Variants in JPH3 observed in about 807,000 individuals in gnomAD.
JPH3 encodes junctophilin 3.
A neutral mutation model predicts 59.6 loss-of-function variants in JPH3; 11 were observed. The observed-to-expected ratio is 0.18, with a 90% confidence interval of 0.12 to 0.31. The LOEUF (loss-of-function observed/expected upper bound fraction) is 0.31, where lower values mean the gene tolerates loss of function less well. JPH3 is among the 10% of genes least tolerant of loss of function. The pLI is 1.00. For synonymous variants in JPH3, 673 were observed against 483.6 expected, an observed-to-expected ratio of 1.39 and a Z score of -5.14; for missense variants, 1,202 against 1,105.7, an observed-to-expected ratio of 1.09 and a Z score of -1.24.
At chr16:87,680,526 C>T (rs1284959452) in intron 2 of JPH3, among the ~76,000 whole-genome samples, 1 of 152,250 alleles carries the variant, frequency 6.6e-6, no homozygotes, top group Admixed American at 6.5e-5. Context: ...GCGACCTTTT[C>T]CTCCAGGGAA....
intron 1 of JPH3, among the ~76,000 whole-genome samples, chr16:87,610,032 A>G (rs922822757): frequency 6.6e-6 from 1 of 152,222 alleles, no homozygotes; most frequent in African/African-American, 2.4e-5. Context: ...AGATAGTGAC[A>G]GATCATCGGA....
At chr16:87,661,948 T>A (rs1006945975) in intron 2 of JPH3, among the ~76,000 whole-genome samples, 1 of 152,234 alleles carries the variant, frequency 6.6e-6, no homozygotes. Context: ...TACTCCTGAG[T>A]GGCAGTTGAT....
chr16:87,689,964 A>G lies in JPH3; in HGVS notation c.1604A>G (p.Gln535Arg). Residue 535 changes from glutamine to arginine, a missense_variant, in exon 4 of 5, where the codon CAG (glutamine) becomes CGG (arginine). Physicochemically the swap from Gln to Arg is conservative, Grantham distance 43 (BLOSUM62 1). Coordinates refer to ENST00000284262, the MANE Select transcript of JPH3 (RefSeq NM_020655.4). Reference sequence around the variant, plus strand: ...GCCCGCAGCAGCTGGGGCGAGGAGCAGGCCGGGGGCTCCAGGGGTGTCCGC... The same window carrying G: ...GCCCGCAGCAGCTGGGGCGAGGAGCGGGCCGGGGGCTCCAGGGGTGTCCGC... ...DCARSSWGEE[Q>R]AGGSRGVRSG... is the part of the protein sequence containing the mutation. 6.9e-7 allele frequency: 1 copy of G among 1,452,920 alleles called. No individual in the cohort carries two copies. The highest frequency in any genetic ancestry group is 9.0e-7 in the Non-Finnish European group (1 of 1,105,836). 90.0% of individuals were successfully genotyped at this position (1,452,920 alleles called of 1,614,324 possible).
chr16:87,604,974 T>A (rs1369510141), intron 1 of JPH3: 3 of 454,388 alleles, frequency 6.6e-6, no homozygotes, highest in African/African-American at 4.0e-5. Context: ...TTCCAGGCTG[T>A]GGGCCTGTGT....
At position 87,644,583 on chromosome 16, in the gene JPH3, C is replaced by G. The variant is rs745483239; in HGVS notation, c.708C>G (p.Ser236Arg). The change falls in exon 2 of 5, where the codon AGC becomes AGG. Residue 236 changes from serine (S) to arginine (R), a missense_variant. Physicochemically the swap from Ser to Arg is moderately radical, Grantham distance 110. Coordinates refer to ENST00000284262, the MANE Select transcript of JPH3 (RefSeq NM_020655.4). ...RKSESKSSLA[S>R]QRSKQSSFRS... Reference sequence around the variant, plus strand: ...CGGAGTCCAAGAGCAGCCTGGCCAGCCAACGCAGCAAGCAGAGCTCCTTTC... The same window carrying G: ...CGGAGTCCAAGAGCAGCCTGGCCAGGCAACGCAGCAAGCAGAGCTCCTTTC... The G allele has an allele frequency of 6.2e-7, 1 of 1,612,946 alleles. No individual in the cohort carries two copies. Among genetic ancestry groups the G allele is most frequent in the Non-Finnish European group, 8.5e-7 (1 of 1,179,850 alleles).
At chr16:87,653,278 G>T (rs777463007) in intron 2 of JPH3, among the ~76,000 whole-genome samples, 1 of 152,200 alleles carries the variant, frequency 6.6e-6, no homozygotes, top group African/African-American at 2.4e-5. Flanking sequence ...AGCACCTGCC[G>T]TGTGCCTGCC....
At chr16:87,692,722 G>C (rs1183479252) in intron 4 of JPH3, among the ~76,000 whole-genome samples, 1 of 152,242 alleles carries the variant, frequency 6.6e-6, no homozygotes, top group African/African-American at 2.4e-5. Flanking sequence ...CTCTGGCCCT[G>C]GCTGTTTCCC....
intron 1 of JPH3, among the ~76,000 whole-genome samples, chr16:87,633,672 G>A (rs2031638077): frequency 6.6e-6 from 1 of 151,894 alleles, no homozygotes; most frequent in Non-Finnish European, 1.5e-5. Context: ...GGTGGCGGGC[G>A]CCTGTAGTAC....
intron 3 of JPH3, among the ~76,000 whole-genome samples, chr16:87,688,152 G>T (rs530277518): frequency 6.6e-6 from 1 of 152,094 alleles, no homozygotes; most frequent in East Asian, 1.9e-4. Context: ...TGTTTCTGGG[G>T]AGTGACCACA....
At chr16:87,651,304 C>T (rs1195185078) in intron 2 of JPH3, among the ~76,000 whole-genome samples, 3 of 152,312 alleles carry the variant, frequency 2.0e-5, no homozygotes, top group Admixed American at 6.5e-5. Context: ...ATGTTGTTTG[C>T]GTGCCTGCTA....
At chr16:87,627,585 G>A (rs2031423503) in intron 1 of JPH3, among the ~76,000 whole-genome samples, 1 of 152,234 alleles carries the variant, frequency 6.6e-6, no homozygotes, top group African/African-American at 2.4e-5. Context: ...TGTGACCGCT[G>A]TTGGTGCCAG....
Position 87,644,658 on chromosome 16 carries a change from C to A in JPH3, c.783C>A (p.His261Gln), listed in dbSNP as rs763262123. Residue 261 changes from histidine (H) to glutamine (Q), a missense_variant, in exon 2 of 5, where the codon CAC becomes CAA. Coordinates refer to ENST00000284262, the MANE Select transcript of JPH3 (RefSeq NM_020655.4). The stretch of plus-strand genomic sequence containing the variant: ...TCAGCTCCACGGCCAGCGACATCCA[C>A]TCCACCATCAGCCTGGGCGAGGCTG... ...STVSSTASDI[H>Q]STISLGEAEA... is the part of the protein sequence containing the mutation. 7 of 1,611,932 alleles carry A rather than the reference C, an allele frequency of 4.3e-6. No homozygotes were observed.
chr16:87,603,595 G>C, intron 1 of JPH3, 67 bp downstream of exon 1: 1 of 1,495,070 alleles, frequency 6.7e-7, no homozygotes, highest in Non-Finnish European at 8.9e-7. Flanking sequence ...CCCTTCTGTG[G>C]ATCTCTGGGG....
chr16:87,650,672 A>G (rs141555430), intron 2 of JPH3, among the ~76,000 whole-genome samples: 6 of 152,342 alleles, frequency 3.9e-5, no homozygotes, highest in Non-Finnish European at 8.8e-5. Context: ...GTTATTGCTG[A>G]TATGGAGAAA....
chr16:87,659,878 C>T (rs866703970), intron 2 of JPH3, among the ~76,000 whole-genome samples: 3 of 152,208 alleles, frequency 2.0e-5, no homozygotes, highest in African/African-American at 4.8e-5. Context: ...ACTAACTCCC[C>T]CTCCCAGGTT....
intron 2 of JPH3, among the ~76,000 whole-genome samples, chr16:87,655,218 C>T (rs67878549): frequency 0.19 from 28,301 of 152,302 alleles, 2,963 homozygotes; most frequent in East Asian, 0.3. Context: ...CGCCAGGGCC[C>T]TTGGGCTGCA....
intron 1 of JPH3, among the ~76,000 whole-genome samples, chr16:87,615,608 G>T (rs1208735956): frequency 6.6e-6 from 1 of 152,152 alleles, no homozygotes; most frequent in Admixed American, 6.5e-5. Flanking sequence ...GATGGAGCAG[G>T]GACTCCATAG....
At chr16:87,689,149 C>T (rs2033491601) in intron 3 of JPH3, among the ~76,000 whole-genome samples, 1 of 152,138 alleles carries the variant, frequency 6.6e-6, no homozygotes, top group African/African-American at 2.4e-5. Flanking sequence ...CTCACGCTGG[C>T]CCCGGCACTG....
chr16:87,663,619 G>A (rs2032771681), intron 2 of JPH3, among the ~76,000 whole-genome samples: 1 of 152,112 alleles, frequency 6.6e-6, no homozygotes, highest in Admixed American at 6.5e-5. Flanking sequence ...GTTCACATAG[G>A]AACACATAGG....
Sources: gnomAD v4.1 joint callset for allele counts (sites outside exome capture counted in the v4.1 genomes callset) on GRCh38, gnomAD v4.1.1 for gene constraint, MANE v1.5 for transcripts, NCBI Gene and HGNC (gene_info 2026-07-23, HGNC 2026-07-21) for gene names.